Variants in CADM2 observed in about 807,000 individuals in gnomAD.
CADM2 encodes the protein immunoglobulin superfamily member 4D.
CADM2 carries 12 observed loss-of-function variants against 49.8 expected under a neutral mutation model. The observed-to-expected ratio is 0.24, with a 90% CI of 0.15 to 0.39. CADM2 has a LOEUF of 0.39. Ranked by LOEUF, CADM2 falls within the 10% of genes least tolerant of loss-of-function variation. The pLI is 1.00. For synonymous variants in CADM2, 214 were observed against 175.4 expected (o/e 1.22, Z -1.74); for missense variants, 378 against 492.3 (o/e 0.77, Z 2.20).
Position 85,037,170 on chromosome 3 carries a change from T to A in CADM2, c.61+77502T>A, listed in dbSNP as rs7616022. Among the ~76,000 whole-genome samples, 184 of 147,712 alleles carry A rather than the reference T, an allele frequency of 1.2e-3. No homozygotes were observed. The Middle Eastern group carries it at 0.017, about 14-fold the overall frequency. ...GGCAACAAGAGTGAAACTCCATCTC[T>A]AAAAAAAACAAACAAACAAAAAGAT... On this transcript the variant is annotated intron_variant, in intron 1 of 9. Transcript: ENST00000383699.
chr3:85,047,061 T>A (rs1471967666), intron 1 of CADM2, among the ~76,000 whole-genome samples: 1 of 152,198 alleles, frequency 6.6e-6, no homozygotes, highest in Non-Finnish European at 1.5e-5. Context: ...TAATAAGCAA[T>A]ATGATAAGTG....
intron 1 of CADM2, among the ~76,000 whole-genome samples, chr3:85,179,893 TG>T (rs1378079992): frequency 3.9e-5 from 6 of 152,172 alleles, no homozygotes; most frequent in African/African-American, 1.4e-4. Flanking sequence ...CTCATTTATT[TG>T]AGAGGATTAC....
chr3:85,232,565 A>G (rs1051956134), intron 1 of CADM2, among the ~76,000 whole-genome samples: 2 of 152,192 alleles, frequency 1.3e-5, no homozygotes, highest in African/African-American at 4.8e-5. Flanking sequence ...GAACACTTCA[A>G]ATGTAACAAT....
intron 3 of CADM2, among the ~76,000 whole-genome samples, chr3:85,865,645 CTG>C (rs1278245768): frequency 1.3e-5 from 2 of 152,206 alleles, no homozygotes; most frequent in East Asian, 1.9e-4. Context: ...GATAATATGA[CTG>C]TAAAATTTTT....
At chr3:85,747,378 A>G (rs1000623481) in intron 2 of CADM2, among the ~76,000 whole-genome samples, 15 of 152,266 alleles carry the variant, frequency 9.9e-5, no homozygotes, top group African/African-American at 3.6e-4. Context: ...TTATGTGACA[A>G]ACAATTTTCT....
chr3:85,734,596 T>C (rs1679220092), intron 2 of CADM2, among the ~76,000 whole-genome samples: 2 of 148,978 alleles, frequency 1.3e-5, no homozygotes, highest in South Asian at 4.2e-4. Context: ...TACACATATA[T>C]ATACATACAT....
intron 1 of CADM2, among the ~76,000 whole-genome samples, chr3:85,563,413 G>GGGGGGT (rs2062157953): frequency 2.0e-5 from 3 of 146,964 alleles, no homozygotes; most frequent in Non-Finnish European, 3.0e-5. Context: ...TGTGTGTGTG[G>GGGGGGT]GGGGGTGGTA....
intron 1 of CADM2, among the ~76,000 whole-genome samples, chr3:85,410,996 A>T (rs1341170941): frequency 1.3e-5 from 2 of 152,206 alleles, no homozygotes. Flanking sequence ...TATTCAAAGG[A>T]TGCAAAGGTG....
chr3:85,412,519 G>A (rs2107472529), intron 1 of CADM2, among the ~76,000 whole-genome samples: 1 of 132,550 alleles, frequency 7.5e-6, no homozygotes, highest in Admixed American at 8.7e-5. Context: ...AGGTATCCTA[G>A]GTCCTATGTA....
intron 1 of CADM2, among the ~76,000 whole-genome samples, chr3:85,150,921 A>AT (rs1255037670): frequency 2.8e-5 from 4 of 142,550 alleles, no homozygotes; most frequent in African/African-American, 1.1e-4. Context: ...AAAAATAAAA[A>AT]TAAATAATAA....
chr3:85,288,863 A>G (rs2043704695), intron 1 of CADM2, among the ~76,000 whole-genome samples: 1 of 132,142 alleles, frequency 7.6e-6, no homozygotes, highest in South Asian at 2.4e-4. Flanking sequence ...TGTTTTCTTG[A>G]TTATTTCTTG....
At chr3:85,807,529 C>G (rs1273962883) in intron 3 of CADM2, among the ~76,000 whole-genome samples, 1 of 146,562 alleles carries the variant, frequency 6.8e-6, no homozygotes, top group Admixed American at 6.8e-5. Flanking sequence ...GACAAAAAGA[C>G]AGAAGAATAT....
intron 2 of CADM2, among the ~76,000 whole-genome samples, chr3:85,780,340 G>T (rs2070574289): frequency 6.6e-6 from 1 of 152,088 alleles, no homozygotes; most frequent in African/African-American, 2.4e-5. Flanking sequence ...TCCCACTCTT[G>T]TCCTCAATCT....
chr3:85,875,358 G>A (rs1035187324), intron 3 of CADM2, among the ~76,000 whole-genome samples: 1 of 152,006 alleles, frequency 6.6e-6, no homozygotes, highest in African/African-American at 2.4e-5. Flanking sequence ...ATAAGAATAA[G>A]AGTCTTCATC....
chr3:85,128,962 T>A (rs982260693), intron 1 of CADM2, among the ~76,000 whole-genome samples: 1 of 152,188 alleles, frequency 6.6e-6, no homozygotes, highest in South Asian at 2.1e-4. Flanking sequence ...AAAATAGATA[T>A]ACCTACCAGC....
At chr3:85,727,085 C>G (rs1273735306) in intron 2 of CADM2, among the ~76,000 whole-genome samples, 1 of 152,008 alleles carries the variant, frequency 6.6e-6, no homozygotes, top group Non-Finnish European at 1.5e-5. Flanking sequence ...ATGTCCAACG[C>G]TGAAAATAAA....
intron 8 of CADM2, among the ~76,000 whole-genome samples, chr3:85,972,273 A>T (rs1726252090): frequency 6.6e-6 from 1 of 151,724 alleles, no homozygotes; most frequent in South Asian, 2.1e-4. Flanking sequence ...CAGTCAGTGC[A>T]ATTAGTAGTA....
At chr3:85,199,454 T>A in intron 1 of CADM2, among the ~76,000 whole-genome samples, 1 of 146,442 alleles carries the variant, frequency 6.8e-6, no homozygotes, top group African/African-American at 2.7e-5. Context: ...AGAAAATAAT[T>A]TTCATTAGTA....
chr3:85,708,937 A>T (rs575426049), intron 1 of CADM2, among the ~76,000 whole-genome samples: 181 of 150,832 alleles, frequency 1.2e-3, no homozygotes, highest in African/African-American at 2.7e-3. Flanking sequence ...TGCTTTTTTA[A>T]AAAAAAAAAC....
Sources: gnomAD v4.1 joint callset for allele counts (sites outside exome capture counted in the v4.1 genomes callset) on GRCh38, gnomAD v4.1.1 for gene constraint, MANE v1.5 for transcripts, NCBI Gene and HGNC (gene_info 2026-07-23, HGNC 2026-07-21) for gene names.